FRMD4A: variants seen among roughly 807,000 people sequenced by gnomAD.
FRMD4A encodes the protein FERM domain containing 4A, also known as FERM domain-containing protein 4A.
In FRMD4A, 29 loss-of-function variants were observed where a neutral mutation model predicts 129.1. That is an observed-to-expected ratio of 0.22 (90% CI 0.17 to 0.31). FRMD4A has a LOEUF of 0.31. Among genes scored for constraint, FRMD4A ranks in the 10% least tolerant of loss-of-function variants. The pLI is 1.00. For missense variants in FRMD4A, 1,272 were observed against 1,375.8 expected (o/e 0.92, Z 1.19); for synonymous variants, 634 against 571.6 (o/e 1.11, Z -1.56).
chr10:13,849,250 C>T (rs143931569), intron 3 of FRMD4A, among the ~76,000 whole-genome samples: 221 of 152,296 alleles, frequency 1.5e-3, no homozygotes, highest in African/African-American at 5.0e-3. Flanking sequence ...CTTCTGCACA[C>T]GCCTTCCCAG....
chr10:14,298,213 A>G (rs1435723557), intron 2 of FRMD4A, among the ~76,000 whole-genome samples: 1 of 152,212 alleles, frequency 6.6e-6, no homozygotes, highest in Non-Finnish European at 1.5e-5. Context: ...TCTGCACCAT[A>G]TCAAAAACTC....
chr10:14,258,570 G>A (rs1320015605), intron 2 of FRMD4A, among the ~76,000 whole-genome samples: 3 of 152,188 alleles, frequency 2.0e-5, no homozygotes, highest in Non-Finnish European at 4.4e-5. Flanking sequence ...TGATTATGTG[G>A]AGAAACTGGA....
intron 9 of FRMD4A, among the ~76,000 whole-genome samples, chr10:13,746,182 G>C (rs996714272): frequency 2.6e-5 from 4 of 151,804 alleles, no homozygotes; most frequent in African/African-American, 4.9e-5. Context: ...TGGTCTCTCA[G>C]AGAGATGTGA....
chr10:14,306,457 A>G (rs1275918650), intron 2 of FRMD4A, among the ~76,000 whole-genome samples: 1 of 152,230 alleles, frequency 6.6e-6, no homozygotes, highest in African/African-American at 2.4e-5. Flanking sequence ...TACAGCAAAC[A>G]GCTGAGCAAA....
intron 2 of FRMD4A, among the ~76,000 whole-genome samples, chr10:13,986,674 T>A (rs55932867): frequency 0.38 from 54,470 of 144,338 alleles, 10,718 homozygotes; most frequent in East Asian, 0.72. Context: ...AATAAATAAA[T>A]AAAATAAATA....
Position 13,656,832 on chromosome 10 carries a change from C to G in FRMD4A, c.2757G>C (p.Ala919=), listed in dbSNP as rs747606415. ...GCTCGTCTGAGACGGCGGCACGGCC[C>G]GCGCCCTTGTCGTGGGCGCCCTCGC... The part of the protein sequence containing the change: ...LGREGAHDKG[A]GRAAVSDELR... The change falls in exon 22 of 25, where the codon GCG becomes GCC. Residue 919 remains alanine, a synonymous_variant. Coordinates refer to ENST00000357447, the MANE Select transcript of FRMD4A (RefSeq NM_018027.5). The G allele has an allele frequency of 3.0e-5, 47 of 1,544,300 alleles. No individual in the cohort carries two copies. The highest frequency in any genetic ancestry group is 3.6e-4 in the Middle Eastern group (2 of 5,630).
chr10:13,683,240 A>C (rs2084772482), intron 15 of FRMD4A, among the ~76,000 whole-genome samples: 1 of 152,150 alleles, frequency 6.6e-6, no homozygotes, highest in South Asian at 2.1e-4. Context: ...CACGAACAGC[A>C]GACATGCATC....
At chr10:13,672,960 T>C (rs538937652) in intron 16 of FRMD4A, among the ~76,000 whole-genome samples, 2 of 152,350 alleles carry the variant, frequency 1.3e-5, no homozygotes, top group East Asian at 1.9e-4. Flanking sequence ...GTTAACATTA[T>C]AAGAAGTGGC....
intron 2 of FRMD4A, chr10:14,008,303 T>A: frequency 9.6e-7 from 1 of 1,038,116 alleles, no homozygotes; most frequent in Non-Finnish European, 1.2e-6. Flanking sequence ...AGAGTTTTTC[T>A]TTCGACCATC....
intron 2 of FRMD4A, among the ~76,000 whole-genome samples, chr10:14,213,555 C>A (rs538774867): frequency 6.6e-6 from 1 of 152,324 alleles, no homozygotes; most frequent in East Asian, 1.9e-4. Flanking sequence ...GGGACTAGAT[C>A]ATCCCTCAGG....
intron 2 of FRMD4A, among the ~76,000 whole-genome samples, chr10:13,872,960 G>A (rs538721756): frequency 6.6e-6 from 1 of 152,260 alleles, no homozygotes; most frequent in Admixed American, 6.5e-5. Context: ...CAGATCAGCT[G>A]AGGCCAGGAG....
intron 2 of FRMD4A, chr10:14,008,601 C>G (rs995782105): frequency 1.4e-6 from 1 of 698,808 alleles, no homozygotes; most frequent in Non-Finnish European, 1.8e-6. Flanking sequence ...ACGTGACTCC[C>G]AAGCCCCTCG....
chr10:13,740,725 TTCC>T, intron 9 of FRMD4A, 148 bp from the exon 10 acceptor site: 1 of 572,814 alleles, frequency 1.7e-6, no homozygotes, highest in Non-Finnish European at 3.1e-6. Flanking sequence ...GGAGTGGTAT[TTCC>T]AAACTCGGTC....
At chr10:14,014,415 C>T (rs1461077026) in intron 2 of FRMD4A, among the ~76,000 whole-genome samples, 2 of 152,158 alleles carry the variant, frequency 1.3e-5, no homozygotes, top group Non-Finnish European at 2.9e-5. Context: ...AAAGTACATT[C>T]TTAAAAGACT....
At chr10:14,121,482 A>G (rs889744290) in intron 2 of FRMD4A, among the ~76,000 whole-genome samples, 2 of 152,224 alleles carry the variant, frequency 1.3e-5, no homozygotes, top group African/African-American at 2.4e-5. Flanking sequence ...AGGTGATGCT[A>G]ATGTTGCTTA....
At chr10:14,189,978 C>T (rs1236974135) in intron 2 of FRMD4A, among the ~76,000 whole-genome samples, 1 of 152,200 alleles carries the variant, frequency 6.6e-6, no homozygotes, top group African/African-American at 2.4e-5. Flanking sequence ...TAGGCTAAAA[C>T]ATGAAGCACC....
At chr10:13,971,354 G>C (rs1303854351) in intron 2 of FRMD4A, among the ~76,000 whole-genome samples, 2 of 152,166 alleles carry the variant, frequency 1.3e-5, no homozygotes, top group East Asian at 1.9e-4. Context: ...CCTTCTCTGA[G>C]TTTCAATAAC....
Position 14,207,686 on chromosome 10 carries a change from C to CCACACACACA in FRMD4A, c.45+122362_45+122371dup, listed in dbSNP as rs56740311. Reference sequence around the variant, plus strand: ...AATGTCAGCTAATCATCCTAGGTAACCACACACACACACACACACACACAC... The same window carrying CCACACACACA: ...AATGTCAGCTAATCATCCTAGGTAACCACACACACACACACACACACACACACACACACAC... On this transcript the variant is annotated intron_variant, in intron 2 of 24. Transcript: ENST00000357447. 2.0e-3 allele frequency among the ~76,000 whole-genome samples: 290 copies of CCACACACACA among 145,934 alleles called. 2 individuals carry two copies. Among genetic ancestry groups the CCACACACACA allele is most frequent in the Middle Eastern group, 7.1e-3 (2 of 282 alleles).
intron 2 of FRMD4A, among the ~76,000 whole-genome samples, chr10:14,312,740 C>T (rs1358207199): frequency 6.6e-6 from 1 of 152,068 alleles, no homozygotes; most frequent in East Asian, 1.9e-4. Flanking sequence ...GTGGTGGGCA[C>T]CTGCAGTCCC....
Sources: allele counts gnomAD v4.1 joint callset (sites outside exome capture counted in the v4.1 genomes callset), GRCh38; gene constraint gnomAD v4.1.1; transcripts MANE v1.5; gene names NCBI Gene and HGNC (gene_info 2026-07-23, HGNC 2026-07-21).